The following SRPK2 variants were observed in gnomAD, a reference collection of about 807,000 sequenced individuals.
The protein encoded by SRPK2 is SRSF protein kinase 2.
SRPK2 carries 21 observed loss-of-function variants against 90.8 expected under a neutral mutation model. The ratio of observed to expected loss-of-function variants is 0.23; its 90% confidence interval spans 0.16 to 0.33. The LOEUF is 0.33. SRPK2 is among the 10% of genes least tolerant of loss of function. The pLI, the probability that SRPK2 is intolerant of heterozygous loss-of-function variation, is 1.00. For missense variants in SRPK2, 620 were observed against 869.0 expected, an observed-to-expected ratio of 0.71 and a Z score of 3.60; for synonymous variants, 288 against 311.1, an observed-to-expected ratio of 0.93 and a Z score of 0.78.
At chr7:105,151,058 G>A (rs1322906482) in intron 7 of SRPK2, among the ~76,000 whole-genome samples, 1 of 152,084 alleles carries the variant, frequency 6.6e-6, no homozygotes, top group Non-Finnish European at 1.5e-5. Flanking sequence ...CTCATGACAA[G>A]CAAGAAGTGA....
At chr7:105,262,876 T>C (rs561910803) in intron 2 of SRPK2, among the ~76,000 whole-genome samples, 5 of 152,030 alleles carry the variant, frequency 3.3e-5, no homozygotes, top group East Asian at 3.9e-4. Flanking sequence ...CAATACCAAA[T>C]TGAAAAGAAC....
intron 2 of SRPK2, among the ~76,000 whole-genome samples, chr7:105,315,365 T>C (rs1812197893): frequency 1.3e-5 from 2 of 152,204 alleles, no homozygotes; most frequent in South Asian, 4.1e-4. Context: ...TGCTGGGCAA[T>C]TCATTTAAGC....
At chr7:105,300,282 T>G (rs941999076) in intron 2 of SRPK2, among the ~76,000 whole-genome samples, 3 of 147,668 alleles carry the variant, frequency 2.0e-5, no homozygotes, top group African/African-American at 7.5e-5. Context: ...AAAAAAAGTA[T>G]ATATATACAT....
At chr7:105,147,270 A>T (rs1345369743) in intron 7 of SRPK2, among the ~76,000 whole-genome samples, 3 of 152,160 alleles carry the variant, frequency 2.0e-5, no homozygotes, top group Non-Finnish European at 4.4e-5. Flanking sequence ...TATACAATTC[A>T]ATGGATTTTA....
At chr7:105,185,025 A>G (rs1255703637) in intron 3 of SRPK2, among the ~76,000 whole-genome samples, 2 of 152,198 alleles carry the variant, frequency 1.3e-5, no homozygotes, top group Non-Finnish European at 2.9e-5. Context: ...GCTTGAGTAC[A>G]TGAACTTTAG....
At chr7:105,333,402 T>C (rs1210912537) in intron 2 of SRPK2, among the ~76,000 whole-genome samples, 6 of 152,220 alleles carry the variant, frequency 3.9e-5, no homozygotes, top group Non-Finnish European at 8.8e-5. Flanking sequence ...AAATTTCTTA[T>C]CTGAAGTGAC....
chr7:105,139,832 G>A (rs978996710), intron 11 of SRPK2, among the ~76,000 whole-genome samples: 5 of 151,988 alleles, frequency 3.3e-5, no homozygotes, highest in Admixed American at 3.3e-4. Flanking sequence ...CCAAGGCTCA[G>A]ACAGGGTAAG....
At chr7:105,130,408 G>GGC (rs571518551) in intron 13 of SRPK2, among the ~76,000 whole-genome samples, 1 of 152,112 alleles carries the variant, frequency 6.6e-6, no homozygotes, top group South Asian at 2.1e-4. Flanking sequence ...AAATTAGCCA[G>GGC]GCGTGGTGGC....
intron 2 of SRPK2, among the ~76,000 whole-genome samples, chr7:105,384,973 T>C (rs1170472719): frequency 6.7e-6 from 1 of 149,598 alleles, no homozygotes; most frequent in Non-Finnish European, 1.5e-5. Flanking sequence ...GCCTCCCGGG[T>C]TCACGCCATT....
chr7:105,152,958 C>A (rs1391944585), intron 7 of SRPK2, among the ~76,000 whole-genome samples: 1 of 152,158 alleles, frequency 6.6e-6, no homozygotes. Context: ...TGCTTGAACT[C>A]AGGAGGCGGA....
At chr7:105,244,741 C>T (rs1801352558) in intron 2 of SRPK2, 3 of 1,101,544 alleles carry the variant, frequency 2.7e-6, no homozygotes, top group Non-Finnish European at 4.1e-6. Context: ...GCCGCCGCCG[C>T]GGGCGTCTGA....
At chr7:105,315,386 T>C (rs1190662460) in intron 2 of SRPK2, among the ~76,000 whole-genome samples, 3 of 152,196 alleles carry the variant, frequency 2.0e-5, no homozygotes, top group African/African-American at 7.2e-5. Context: ...TCTCTGGACC[T>C]GTTTCTTAAC....
chr7:105,313,146 ATTT>A (rs879929767), intron 2 of SRPK2, among the ~76,000 whole-genome samples: 3 of 147,162 alleles, frequency 2.0e-5, no homozygotes, highest in South Asian at 2.1e-4. Context: ...AAAGGTAATG[ATTT>A]TTTTTTTTTT....
chr7:105,240,459 C>G (rs1800663237), intron 2 of SRPK2, among the ~76,000 whole-genome samples: 1 of 151,958 alleles, frequency 6.6e-6, no homozygotes, highest in African/African-American at 2.4e-5. Flanking sequence ...ATGGAATGAA[C>G]ATACATTAAA....
rs1040676885 is a variant in SRPK2, at chr7:105,116,896, T to C, written c.*942A>G. ...CTTGTGTTCTAGACAAGCATGATCATGCTTTTCCAAAAATATATGTATTTT... is the reference window on the plus strand; with the variant it reads ...CTTGTGTTCTAGACAAGCATGATCACGCTTTTCCAAAAATATATGTATTTT... On this transcript the variant is annotated 3_prime_UTR_variant, in exon 16 of 16. Transcript: ENST00000393651. 1 of 152,208 alleles carries C rather than the reference T, an allele frequency of 6.6e-6. No homozygotes were observed. The highest frequency in any genetic ancestry group is 2.4e-5 in the African/African-American group (1 of 41,454). The allele number at this position is 152,208 out of a possible 1,614,324, so 9.4% of individuals were successfully genotyped here.
intron 3 of SRPK2, among the ~76,000 whole-genome samples, chr7:105,186,957 G>C (rs936667716): frequency 2.0e-5 from 3 of 152,208 alleles, no homozygotes; most frequent in Non-Finnish European, 2.9e-5. Context: ...TAAGCTTTCA[G>C]TTAATTCTAG....
intron 3 of SRPK2, among the ~76,000 whole-genome samples, chr7:105,192,714 T>G (rs1486322145): frequency 6.6e-6 from 1 of 152,144 alleles, no homozygotes; most frequent in Non-Finnish European, 1.5e-5. Context: ...CATCTATTAT[T>G]TTTTGATTTT....
intron 2 of SRPK2, among the ~76,000 whole-genome samples, chr7:105,307,950 T>C (rs1001701838): frequency 6.6e-6 from 1 of 152,198 alleles, no homozygotes; most frequent in African/African-American, 2.4e-5. Flanking sequence ...GATTCCATCA[T>C]GTATCTCCTA....
intron 15 of SRPK2, among the ~76,000 whole-genome samples, chr7:105,122,441 A>G (rs1800522877): frequency 6.6e-6 from 1 of 152,224 alleles, no homozygotes; most frequent in South Asian, 2.1e-4. Context: ...AACGCCCATC[A>G]TCTGATGGAG....
Sources: gnomAD v4.1 joint callset for allele counts (sites outside exome capture counted in the v4.1 genomes callset) on GRCh38, gnomAD v4.1.1 for gene constraint, MANE v1.5 for transcripts, NCBI Gene and HGNC (gene_info 2026-07-23, HGNC 2026-07-21) for gene names.